SPATA13: variants seen among roughly 807,000 people sequenced by gnomAD.
SPATA13 encodes the protein spermatogenesis-associated protein 13.
A neutral mutation model predicts 104.0 loss-of-function variants in SPATA13; 50 were observed. The observed-to-expected ratio is 0.48, with a 90% confidence interval of 0.38 to 0.61. The LOEUF (loss-of-function observed/expected upper bound fraction) is 0.61, where lower values mean the gene tolerates loss of function less well. Ranked by LOEUF, SPATA13 falls within the 20% of genes least tolerant of loss-of-function variation. The pLI, the probability that SPATA13 is intolerant of heterozygous loss-of-function variation, is 0.00. For synonymous variants in SPATA13, 606 were observed against 667.5 expected (o/e 0.91, Z 1.42); for missense variants, 1,524 against 1,690.6 (o/e 0.90, Z 1.73).
intron 3 of SPATA13, among the ~76,000 whole-genome samples, chr13:24,095,772 C>T (rs1053130601): frequency 2.0e-5 from 3 of 152,160 alleles, no homozygotes; most frequent in African/African-American, 7.2e-5. Context: ...ACCATCCTGT[C>T]CCAAACAAGT....
rs144096772 is a variant in SPATA13, at chr13:24,059,045, C to T, written c.-112+41344C>T. On this transcript the variant is annotated intron_variant, in intron 3 of 14. Transcript: ENST00000424834. ...GGAGTGCAGTGGCGGAATCTCCACT[C>T]ACTACAAGCTCTGCCTCCTGGGTTT... is the stretch of plus-strand genomic sequence containing the variant. 5.3e-3 allele frequency among the ~76,000 whole-genome samples: 802 copies of T among 151,886 alleles called. 13 individuals carry two copies. The highest frequency in any genetic ancestry group is 0.018 in the African/African-American group (748 of 41,530).
chr13:24,014,865 T>C (rs1876634398), intron 2 of SPATA13, among the ~76,000 whole-genome samples: 1 of 149,448 alleles, frequency 6.7e-6, no homozygotes, highest in African/African-American at 2.5e-5. Context: ...GGTTCCCTTT[T>C]TGGCACTTTC....
chr13:24,303,215 GT>G lies in SPATA13; in HGVS notation c.*444del. 2.4e-6 allele frequency: 1 copy of G among 422,812 alleles called. No homozygotes were observed. The highest frequency in any genetic ancestry group is 2.0e-5 in the African/African-American group (1 of 49,050). The allele number at this position is 422,812 out of a possible 1,614,324, so 26.2% of individuals were successfully genotyped here. On this transcript the variant is annotated 3_prime_UTR_variant, in exon 13 of 13. Transcript: ENST00000382108. ...TTTTCAAGGATGCCGTCAAGACGGG[GT>G]TGACACAATGCTGCACGTGTCTGGT... is the stretch of plus-strand genomic sequence containing the variant.
chr13:24,230,787 A>G (rs983984779), intron 2 of SPATA13, among the ~76,000 whole-genome samples: 9 of 152,180 alleles, frequency 5.9e-5, no homozygotes, highest in Admixed American at 4.6e-4. Context: ...GAGGGAGATC[A>G]GGTTAAGCAG....
chr13:24,003,951 C>A (rs1350076129), intron 2 of SPATA13, among the ~76,000 whole-genome samples: 1 of 152,170 alleles, frequency 6.6e-6, no homozygotes, highest in East Asian at 1.9e-4. Context: ...CCTCCTGCAG[C>A]ATTGTTTTGT....
rs770636777 is a variant in SPATA13, at chr13:24,223,168, G to A, written c.239G>A (p.Arg80Gln). The part of the protein sequence containing the change: ...AKLVRLFSTS[R>Q]KRTGAHPERP... ...CTTGTGCGCCTCTTTTCCACCAGTC[G>A]GAAGAGGACGGGTGCCCACCCCGAG... Residue 80 changes from arginine (R) to glutamine (Q), a missense_variant, in exon 2 of 13, where the codon CGG becomes CAG. Arg to Gln is a conservative substitution (Grantham distance 43). Around this residue, in one of 2 missense-constraint regions of SPATA13, gnomAD observed 1,089 missense variants for 1,135.9 expected, o/e 0.96. Transcript: ENST00000382108. 1.5e-5 allele frequency: 23 copies of A among 1,551,574 alleles called. No homozygotes were observed. Among genetic ancestry groups the A allele is most frequent in the South Asian group, 4.8e-5 (4 of 84,072 alleles).
chr13:24,086,668 T>C (rs1181059619), intron 3 of SPATA13, among the ~76,000 whole-genome samples: 2 of 151,476 alleles, frequency 1.3e-5, no homozygotes, highest in East Asian at 3.9e-4. Flanking sequence ...AGAGGAAGAG[T>C]GGCTGCACAA....
chr13:24,228,209 GT>G (rs1394930652), intron 2 of SPATA13, among the ~76,000 whole-genome samples: 13 of 150,170 alleles, frequency 8.7e-5, no homozygotes, highest in Non-Finnish European at 2.9e-5. Flanking sequence ...CACCTCCCGG[GT>G]TCACGCCATT....
chr13:24,245,921 A>ACTCTGAG (rs1873109409), intron 2 of SPATA13, among the ~76,000 whole-genome samples: 3 of 151,426 alleles, frequency 2.0e-5, no homozygotes, highest in Admixed American at 1.3e-4. Flanking sequence ...TACTGTGCTG[A>ACTCTGAG]CTCTGAGGCA....
intron 1 of SPATA13, among the ~76,000 whole-genome samples, chr13:24,197,407 G>T (rs1570461): frequency 0.44 from 66,353 of 152,042 alleles, 16,318 homozygotes; most frequent in Non-Finnish European, 0.56. Context: ...ATGAATATGT[G>T]TCAGAAATTT....
chr13:24,295,566 C>T (rs187910094), intron 10 of SPATA13, among the ~76,000 whole-genome samples: 22 of 152,090 alleles, frequency 1.4e-4, no homozygotes, highest in Non-Finnish European at 2.2e-4. Flanking sequence ...GAGCCGTGAT[C>T]GTGCCCCTGC....
intron 3 of SPATA13, among the ~76,000 whole-genome samples, chr13:24,251,192 C>T (rs548147733): frequency 1.3e-5 from 2 of 152,290 alleles, no homozygotes; most frequent in South Asian, 2.1e-4. Flanking sequence ...TTTGGGTAAG[C>T]AAGGCTTGCC....
At position 24,051,647 on chromosome 13, in the gene SPATA13, T is replaced by G. The variant is rs1593299828; in HGVS notation, c.-112+33946T>G. On this transcript the variant is annotated intron_variant, in intron 3 of 14. Transcript: ENST00000424834. This position sits in a 1 kb window ranked among gnomAD's most constrained non-coding sequence, Gnocchi z 4.2. ...TGCTCCCTGTTTGGGGATGGAGGGG[T>G]GGGGACTTAGGGGCAAGGGGAAGCT... Among the ~76,000 whole-genome samples the G allele has an allele frequency of 1.3e-5, 2 of 149,256 alleles. No homozygotes were observed. Among genetic ancestry groups the G allele is most frequent in the Admixed American group, 6.7e-5 (1 of 14,968 alleles).
chr13:24,160,741 G>A lies in SPATA13; in HGVS notation c.-303G>A. 1 of 985,632 alleles carries A rather than the reference G, an allele frequency of 1.0e-6. No individual in the cohort carries two copies. The highest frequency in any genetic ancestry group is 1.2e-6 in the Non-Finnish European group (1 of 830,142). 61.1% of individuals were successfully genotyped at this position (985,632 alleles called of 1,614,324 possible). A position where few individuals can be genotyped will look rare whatever the true frequency, so the allele number is the denominator to read the frequency against. ...GGCTGAGTGTGCTGCCGCGGCGCGG[G>A]AGGAGAGTGTGCGTTGCGCTTTCTC... On this transcript the variant is annotated 5_prime_UTR_variant, in exon 1 of 13. Transcript: ENST00000382108.
At chr13:24,159,072 C>T (rs1391009097), upstream of SPATA13, among the ~76,000 whole-genome samples, 1 of 151,988 alleles carries the variant, frequency 6.6e-6, no homozygotes, top group East Asian at 1.9e-4. Flanking sequence ...AAAATCTGCT[C>T]CTCAGATTTG....
At chr13:24,151,148 A>C (rs1248980000) in intron 3 of SPATA13, among the ~76,000 whole-genome samples, 1 of 152,260 alleles carries the variant, frequency 6.6e-6, no homozygotes, top group African/African-American at 2.4e-5. Context: ...TTCTGGAGAC[A>C]GAATCCAGGA....
rs1875914172 is a variant in SPATA13 at position 24,286,083 on chromosome 13, T to G, written c.2302-131T>G. 6.0e-6 allele frequency: 5 copies of G among 836,886 alleles called. No homozygotes were observed. Among genetic ancestry groups the G allele is most frequent in the Non-Finnish European group, 9.3e-6 (5 of 537,120 alleles). The allele number at this position is 836,886 out of a possible 1,614,324, so 51.8% of individuals were successfully genotyped here. On this transcript the variant is annotated intron_variant, in intron 5 of 12. Transcript: ENST00000382108. The surrounding 1 kb of genome is among the most constrained non-coding windows in gnomAD (Gnocchi z 4.9). ...TGTGTAACCAGTCACATAGTCAGTG[T>G]GGACCAAATGCCACCAGCATATCCA...
intron 2 of SPATA13, among the ~76,000 whole-genome samples, chr13:24,240,339 T>C (rs988613834): frequency 6.6e-6 from 1 of 152,190 alleles, no homozygotes; most frequent in African/African-American, 2.4e-5. Context: ...ACTATTGATT[T>C]TGAGATGGCA....
At chr13:24,251,531 G>T (rs975534624) in intron 3 of SPATA13, 187 bp from the exon 4 acceptor site, 16 of 985,450 alleles carry the variant, frequency 1.6e-5, no homozygotes, top group Non-Finnish European at 1.8e-5. Context: ...AGCTGATCAG[G>T]ATTGTTAAAA....
Sources: allele counts gnomAD v4.1 joint callset (sites outside exome capture counted in the v4.1 genomes callset), GRCh38; gene constraint gnomAD v4.1.1; regional missense constraint gnomAD v4.1.1; non-coding constraint Gnocchi (gnomAD v3.1); transcripts MANE v1.5; gene names NCBI Gene and HGNC (gene_info 2026-07-23, HGNC 2026-07-21).